The following GLIS3 variants were observed in gnomAD, a reference collection of about 807,000 sequenced individuals.
The protein encoded by GLIS3 is zinc finger protein GLIS3.
Under a neutral mutation model 78.6 loss-of-function variants are expected in GLIS3, and 53 were observed. That is an observed-to-expected ratio of 0.67 (90% CI 0.54 to 0.85). The LOEUF is 0.85. Ranked by LOEUF, GLIS3 falls within the 40% of genes least tolerant of loss-of-function variation. The pLI, the probability that GLIS3 is intolerant of heterozygous loss-of-function variation, is 0.00. For missense variants in GLIS3, 1,703 were observed against 1,231.1 expected (o/e 1.38, Z -5.74); for synonymous variants, 684 against 509.9 (o/e 1.34, Z -4.60).
the GLIS3 span, among the ~76,000 whole-genome samples, chr9:4,471,134 T>C: frequency 6.6e-6 from 1 of 152,232 alleles, no homozygotes; most frequent in Non-Finnish European, 1.5e-5. Context: ...GAACGTTCCA[T>C]GCTCATGGAT....
the GLIS3 span, among the ~76,000 whole-genome samples, chr9:4,480,346 A>G: frequency 2.0e-5 from 3 of 151,408 alleles, no homozygotes; most frequent in Non-Finnish European, 4.4e-5. Flanking sequence ...CTGGGCCTAC[A>G]GGCATGTGCC....
chr9:4,474,413 C>A, the GLIS3 span, among the ~76,000 whole-genome samples: 236 of 152,204 alleles, frequency 1.6e-3, 1 homozygote, highest in African/African-American at 5.4e-3. Context: ...CAGAAACAGA[C>A]GCACACATAT....
chr9:3,992,712 A>G (rs958017520), intron 4 of GLIS3, among the ~76,000 whole-genome samples: 1 of 152,242 alleles, frequency 6.6e-6, no homozygotes, highest in Non-Finnish European at 1.5e-5. Flanking sequence ...AAAAATTAAC[A>G]GTGTCTTCAC....
chr9:4,253,964 G>C (rs796113042), intron 2 of GLIS3, among the ~76,000 whole-genome samples: 1 of 152,134 alleles, frequency 6.6e-6, no homozygotes, highest in Non-Finnish European at 1.5e-5. Flanking sequence ...CCAATGACAT[G>C]AGCCAGGTAC....
chr9:3,949,993 A>C (rs1032290494), intron 4 of GLIS3, among the ~76,000 whole-genome samples: 5 of 152,136 alleles, frequency 3.3e-5, no homozygotes, highest in African/African-American at 1.2e-4. Context: ...CAGGCATCTC[A>C]AAGTACATAT....
intron 6 of GLIS3, among the ~76,000 whole-genome samples, chr9:3,917,909 G>C (rs1312523443): frequency 1.3e-5 from 2 of 152,180 alleles, no homozygotes; most frequent in Non-Finnish European, 2.9e-5. Context: ...GGATCTTCTG[G>C]AGATAATCCT....
the GLIS3 span, among the ~76,000 whole-genome samples, chr9:4,408,620 G>C: frequency 6.8e-6 from 1 of 146,190 alleles, no homozygotes; most frequent in Non-Finnish European, 1.5e-5. Flanking sequence ...CCAGGTACTC[G>C]GGAGGCTGAG....
At chr9:4,106,403 G>A (rs985537895) in intron 4 of GLIS3, among the ~76,000 whole-genome samples, 1 of 152,098 alleles carries the variant, frequency 6.6e-6, no homozygotes, top group African/African-American at 2.4e-5. Context: ...GGCGAATGCC[G>A]GTAGAACACT....
In GLIS3 at chr9:4,180,854, G is replaced by A. The variant is rs117448787; in HGVS notation, c.389-54913C>T. Among the ~76,000 whole-genome samples, 23 of 152,256 alleles carry A rather than the reference G, an allele frequency of 1.5e-4. No homozygotes were observed. The East Asian group carries it at 4.3e-3, about 28-fold the overall frequency. The stretch of plus-strand genomic sequence containing the variant: ...TAAAATCTCAAACTGGTTTTGCTCC[G>A]ATCCACCCAAGCACAGGTGCTGGTC... On this transcript the variant is annotated intron_variant, in intron 2 of 10. Transcript: ENST00000381971.
rs141338792 is a variant in GLIS3, at chr9:4,320,380, T to C, written n.265-9852A>G. On this transcript the variant is annotated intron_variant and non_coding_transcript_variant, in intron 2 of 4. Coordinates refer to the GLIS3 transcript ENST00000471664. ...AAGGAGGTGGGACTGAAAAGGCATCTTCAGTTCACCATGCCTCAAACTGAA... is the reference window on the plus strand; with the variant it reads ...AAGGAGGTGGGACTGAAAAGGCATCCTCAGTTCACCATGCCTCAAACTGAA... 5.9e-5 allele frequency among the ~76,000 whole-genome samples: 9 copies of C among 152,280 alleles called. No individual in the cohort carries two copies. The East Asian group carries it at 1.7e-3, about 29-fold the overall frequency.
At chr9:4,023,348 C>T (rs1050035125) in intron 4 of GLIS3, among the ~76,000 whole-genome samples, 1 of 152,106 alleles carries the variant, frequency 6.6e-6, no homozygotes, top group Non-Finnish European at 1.5e-5. Flanking sequence ...AAACAAAACC[C>T]CATTCTGCTA....
intron 6 of GLIS3, chr9:3,901,024 A>T (rs1588183086): frequency 6.6e-6 from 1 of 152,182 alleles, no homozygotes; most frequent in African/African-American, 2.4e-5. Context: ...CCCTACCCTA[A>T]ATAATCAATC....
the GLIS3 span, among the ~76,000 whole-genome samples, chr9:4,385,551 G>C: frequency 6.6e-6 from 1 of 151,266 alleles, no homozygotes; most frequent in African/African-American, 2.4e-5. Flanking sequence ...TGTAATCCCA[G>C]CTACTCGGGA....
intron 2 of GLIS3, among the ~76,000 whole-genome samples, chr9:4,337,133 C>T (rs564373950): frequency 1.3e-5 from 2 of 152,318 alleles, no homozygotes; most frequent in African/African-American, 2.4e-5. Flanking sequence ...ATTGGTACAA[C>T]TTTTCCCGAA....
At chr9:4,371,184 T>A in the GLIS3 span, among the ~76,000 whole-genome samples, 1 of 152,238 alleles carries the variant, frequency 6.6e-6, no homozygotes, top group African/African-American at 2.4e-5. Flanking sequence ...TGGCAGCTCC[T>A]CTGTTCCTCA....
intron 6 of GLIS3, among the ~76,000 whole-genome samples, chr9:3,924,721 T>C (rs1563855188): frequency 6.6e-6 from 1 of 152,150 alleles, no homozygotes; most frequent in African/African-American, 2.4e-5. Context: ...AGGACATGAA[T>C]ACTTTGGTGG....
chr9:4,159,030 G>GAAAACAAAAA (rs141412126), intron 2 of GLIS3, among the ~76,000 whole-genome samples: 1 of 79,094 alleles, frequency 1.3e-5, no homozygotes. Flanking sequence ...GAAAGGAGAA[G>GAAAACAAAAA]AAGAAAAAAA....
chr9:4,076,646 A>G (rs1288876503), intron 4 of GLIS3, among the ~76,000 whole-genome samples: 1 of 152,220 alleles, frequency 6.6e-6, no homozygotes, highest in Non-Finnish European at 1.5e-5. Flanking sequence ...CACATCCTCC[A>G]GTCTTTCTTT....
chr9:3,974,599 G>A (rs931267854), intron 4 of GLIS3, among the ~76,000 whole-genome samples: 3 of 152,082 alleles, frequency 2.0e-5, no homozygotes, highest in Non-Finnish European at 2.9e-5. Flanking sequence ...AAAACCAATC[G>A]CTCCCTAATG....
Sources: allele counts gnomAD v4.1 joint callset (sites outside exome capture counted in the v4.1 genomes callset), GRCh38; gene constraint gnomAD v4.1.1; transcripts MANE v1.5; gene names NCBI Gene and HGNC (gene_info 2026-07-23, HGNC 2026-07-21).